Variants in EIF3F observed in about 807,000 individuals in gnomAD.
EIF3F encodes eukaryotic translation initiation factor 3 subunit F.
In EIF3F, 8 loss-of-function variants were observed where a neutral mutation model predicts 36.0. The ratio of observed to expected loss-of-function variants is 0.22; its 90% CI spans 0.13 to 0.40. The LOEUF (loss-of-function observed/expected upper bound fraction) is 0.40. Ranked by LOEUF, EIF3F falls within the 10% of genes least tolerant of loss-of-function variation. The pLI is 1.00. For missense variants in EIF3F, 430 were observed against 467.6 expected (o/e 0.92, Z 0.74); for synonymous variants, 184 against 188.5 (o/e 0.98, Z 0.19).
intron 1 of EIF3F, among the ~76,000 whole-genome samples, chr11:7,989,002 T>G (rs896554537): frequency 1.3e-5 from 2 of 152,248 alleles, no homozygotes; most frequent in African/African-American, 4.8e-5. Flanking sequence ...TGCTTGTCTT[T>G]TCTCAGACCA....
intron 1 of EIF3F, 44 bp downstream of exon 1, chr11:7,987,760 T>G (rs760620580): frequency 2.8e-6 from 4 of 1,444,532 alleles, no homozygotes; most frequent in Non-Finnish European, 3.6e-6. Context: ...TCCTCCCACT[T>G]CTCATTTATC....
At chr11:7,993,137 C>G in intron 4 of EIF3F, 113 bp downstream of exon 4, 1 of 1,226,288 alleles carries the variant, frequency 8.2e-7, no homozygotes, top group Non-Finnish European at 1.1e-6. Context: ...CCTTAGGAAG[C>G]CTGTTCCTCT....
chr11:7,992,863 C>G (rs1273402686), intron 3 of EIF3F, 24 bp from the exon 4 acceptor site: 1 of 1,613,450 alleles, frequency 6.2e-7, no homozygotes, highest in Non-Finnish European at 8.5e-7. Context: ...AGACAGGAGT[C>G]CACCACTGTG....
rs778544707 is a variant in EIF3F at position 7,995,353 on chromosome 11, A to G, written c.982A>G (p.Asn328Asp). ...IVPDDFETML[N>D]SNINDLLMVT... ...TCCCGATGACTTTGAGACCATGCTC[A>G]ACAGCAACATCAATGTGAGTGCCCT... Residue 328 changes from asparagine (N) to aspartate (D), a missense_variant, in exon 7 of 8, where the codon AAC becomes GAC. Asn to Asp is a conservative substitution (Grantham distance 23, BLOSUM62 1). Transcript: ENST00000651655. 2 of 1,614,008 alleles carry G rather than the reference A, an allele frequency of 1.2e-6. No individual in the cohort carries two copies. Among genetic ancestry groups the G allele is most frequent in the Non-Finnish European group, 1.7e-6 (2 of 1,179,858 alleles).
At chr11:7,988,764 G>A (rs1399404463) in intron 1 of EIF3F, among the ~76,000 whole-genome samples, 1 of 152,146 alleles carries the variant, frequency 6.6e-6, no homozygotes, top group Non-Finnish European at 1.5e-5. Context: ...TGTGACTTGG[G>A]GCAGATTACC....
At chr11:7,995,534 T>A (rs1942150728) in intron 7 of EIF3F, 167 bp downstream of exon 7, 1 of 652,778 alleles carries the variant, frequency 1.5e-6, no homozygotes, top group Non-Finnish European at 2.8e-6. Flanking sequence ...AGGTGTGTTA[T>A]GCGTGGTTGG....
At position 7,996,652 on chromosome 11, in the gene EIF3F, A is replaced by G. The variant is rs1406736679; in HGVS notation, c.*630A>G. 1 of 152,272 alleles carries G rather than the reference A, an allele frequency of 6.6e-6. No homozygotes were observed. The highest frequency in any genetic ancestry group is 1.5e-5 in the Non-Finnish European group (1 of 68,088). 9.4% of individuals were successfully genotyped at this position (152,272 alleles called of 1,614,324 possible). A position where few individuals can be genotyped will look rare whatever the true frequency, so the allele number is the denominator to read the frequency against. On this transcript the variant is annotated 3_prime_UTR_variant, in exon 8 of 8. Coordinates refer to ENST00000651655, the MANE Select transcript of EIF3F (RefSeq NM_003754.3). ...GGTCTGCCAGTGGCTCAATTTAAGC[A>G]AAGACTAGATGGCATTTCCCAGAGG... is the stretch of plus-strand genomic sequence containing the variant.
chr11:7,994,056 G>A (rs1380279154), intron 4 of EIF3F, among the ~76,000 whole-genome samples: 1 of 152,130 alleles, frequency 6.6e-6, no homozygotes, highest in Non-Finnish European at 1.5e-5. Context: ...TGCTGATGAA[G>A]GGCGTAGTCC....
chr11:7,990,900 T>TAAAAAA (rs71059142), intron 1 of EIF3F, among the ~76,000 whole-genome samples: 1 of 136,878 alleles, frequency 7.3e-6, no homozygotes, highest in African/African-American at 2.8e-5. Context: ...AATAAATAAA[T>TAAAAAA]AAAAGAAATA....
chr11:7,989,357 A>C (rs1942064555), intron 1 of EIF3F, among the ~76,000 whole-genome samples: 1 of 152,238 alleles, frequency 6.6e-6, no homozygotes, highest in Admixed American at 6.5e-5. Flanking sequence ...CCAGTGATCC[A>C]GTCAGACCAG....
At position 7,997,643 on chromosome 11, in the gene EIF3F, TGTGA is replaced by T. The variant is rs1393663506; in HGVS notation, c.*1624_*1627del. On this transcript the variant is annotated 3_prime_UTR_variant, in exon 8 of 8. Transcript: ENST00000651655. ...CAAGGACATAAAGTTGTCCTGCAGCTGTGAGTAACAATATAGGTGAATGTTAATA... is the reference window on the plus strand; with the variant it reads ...CAAGGACATAAAGTTGTCCTGCAGCTGTAACAATATAGGTGAATGTTAATA... The T allele has an allele frequency of 2.6e-5, 4 of 152,196 alleles. No individual in the cohort carries two copies. Among genetic ancestry groups the T allele is most frequent in the South Asian group, 2.1e-4 (1 of 4,826 alleles). The allele number at this position is 152,196 out of a possible 1,614,324, so 9.4% of individuals were successfully genotyped here. A position where few individuals can be genotyped will look rare whatever the true frequency, so the allele number is the denominator to read the frequency against.
intron 4 of EIF3F, 52 bp from the exon 5 acceptor site, chr11:7,994,374 A>C (rs1048061834): frequency 6.5e-7 from 1 of 1,527,506 alleles, no homozygotes; most frequent in African/African-American, 1.4e-5. Flanking sequence ...CAGAATAGAC[A>C]TGGAAACCCT....
rs1295102145 is a variant in EIF3F at position 8,001,485 on chromosome 11, CTA to C, written c.*5465_*5466del. ...TAAAGATGGTAATCAACCCAAATGA[CTA>C]TTACCAGAATAGAAATTAAACAAAG... is the stretch of plus-strand genomic sequence containing the variant. On this transcript the variant is annotated 3_prime_UTR_variant, in exon 8 of 8. Transcript: ENST00000651655. 3 of 152,118 alleles carry C rather than the reference CTA, an allele frequency of 2.0e-5. No homozygotes were observed. The highest frequency in any genetic ancestry group is 2.9e-5 in the Non-Finnish European group (2 of 68,026). 9.4% of individuals were successfully genotyped at this position (152,118 alleles called of 1,614,324 possible).
chr11:7,992,207 C>A (rs573609056), intron 3 of EIF3F, 44 bp downstream of exon 3: 2 of 1,511,446 alleles, frequency 1.3e-6, no homozygotes, highest in Non-Finnish European at 1.8e-6. Flanking sequence ...AAGGTCTCTT[C>A]GTGATTGCCG....
rs1680489726 is a variant in EIF3F at position 7,993,002 on chromosome 11, A to G, written c.631A>G (p.Met211Val). The G allele has an allele frequency of 6.2e-7, 1 of 1,605,580 alleles. No individual in the cohort carries two copies. Among genetic ancestry groups the G allele is most frequent in the Non-Finnish European group, 8.5e-7 (1 of 1,175,580 alleles). The stretch of plus-strand genomic sequence containing the variant: ...GGACACAAGTCTCCAGAACGGCCGC[A>G]TGAGCATCAAAGCCTACGTCAGGTG... ...TVDTSLQNGR[M>V]SIKAYVSTLM... Residue 211 changes from methionine (M) to valine (V), a missense_variant, in exon 4 of 8, where the codon ATG (methionine) becomes GTG (valine). This residue lies in a region of EIF3F where 262 missense variants were observed against 347.4 expected (regional missense o/e 0.75). Coordinates refer to ENST00000651655, the MANE Select transcript of EIF3F (RefSeq NM_003754.3).
At chr11:7,988,760 T>G (rs7125891) in intron 1 of EIF3F, among the ~76,000 whole-genome samples, 112,203 of 152,118 alleles carry the variant, frequency 0.74, 41,495 homozygotes, top group East Asian at 0.86. Context: ...GCCATGTGAC[T>G]TGGGGCAGAT....
chr11:7,993,342 A>C (rs1272008718), intron 4 of EIF3F, among the ~76,000 whole-genome samples: 1 of 152,200 alleles, frequency 6.6e-6, no homozygotes, highest in East Asian at 1.9e-4. Context: ...TCTTGTCATG[A>C]TCCTTCACCA....
Position 7,996,237 on chromosome 11 carries a change from A to G in EIF3F, c.*215A>G, listed in dbSNP as rs1326568938. The G allele has an allele frequency of 1.9e-6, 1 of 515,682 alleles. No homozygotes were observed. Among genetic ancestry groups the G allele is most frequent in the East Asian group, 3.2e-5 (1 of 31,744 alleles). 31.9% of individuals were successfully genotyped at this position (515,682 alleles called of 1,614,324 possible). A position where few individuals can be genotyped will look rare whatever the true frequency, so the allele number is the denominator to read the frequency against. On this transcript the variant is annotated 3_prime_UTR_variant, in exon 8 of 8. Transcript: ENST00000651655. Reference sequence around the variant, plus strand: ...AAATGTTTTAGATCACACAGAAACTAGGAAGTGAATATTGTAGGTAGAGAA... The same window carrying G: ...AAATGTTTTAGATCACACAGAAACTGGGAAGTGAATATTGTAGGTAGAGAA...
rs370682045 is a variant in EIF3F at position 7,988,214 on chromosome 11, G to A, written c.364+498G>A. 1.6e-4 allele frequency among the ~76,000 whole-genome samples: 24 copies of A among 152,182 alleles called. 1 individual carries two copies. Among genetic ancestry groups the A allele is most frequent in the Admixed American group, 1.6e-3 (24 of 15,286 alleles). ...TCTAACCAGTTGTCAAAGGAGTGGG[G>A]ACGTTTGTAAAAAAACATTCCTCCC... On this transcript the variant is annotated intron_variant, in intron 1 of 7. Coordinates refer to ENST00000651655, the MANE Select transcript of EIF3F (RefSeq NM_003754.3).
Sources: allele counts gnomAD v4.1 joint callset (sites outside exome capture counted in the v4.1 genomes callset), GRCh38; gene constraint gnomAD v4.1.1; regional missense constraint gnomAD v4.1.1; transcripts MANE v1.5; gene names NCBI Gene and HGNC (gene_info 2026-07-23, HGNC 2026-07-21).